The following TJP1 variants were observed in gnomAD, a reference collection of about 807,000 sequenced individuals.
The protein encoded by TJP1 is tight junction protein 1, also known as tight junction protein ZO-1.
In TJP1, 43 loss-of-function variants were observed where a neutral mutation model predicts 194.2. The ratio of observed to expected loss-of-function variants is 0.22; its 90% CI spans 0.17 to 0.29. TJP1 has a LOEUF of 0.29. Ranked by LOEUF, TJP1 falls within the 10% of genes least tolerant of loss-of-function variation. TJP1 has a pLI of 1.00. For synonymous variants in TJP1, 801 were observed against 779.0 expected (o/e 1.03, Z -0.47); for missense variants, 1,971 against 2,185.7 (o/e 0.90, Z 1.96).
At chr15:29,743,006 T>G in intron 8 of TJP1, 1 of 335,144 alleles carries the variant, frequency 3.0e-6, no homozygotes, top group Non-Finnish European at 5.3e-6. Context: ...ATATCTATAA[T>G]AGCAAAATTT....
chr15:29,926,121 A>G (rs1393192095), intron 2 of TJP1, among the ~76,000 whole-genome samples: 3 of 152,262 alleles, frequency 2.0e-5, no homozygotes, highest in African/African-American at 7.2e-5. Flanking sequence ...ATGAAAACCA[A>G]AGAAACAAGG....
intron 20 of TJP1, among the ~76,000 whole-genome samples, chr15:29,719,522 C>A (rs1025145829): frequency 6.6e-6 from 1 of 152,040 alleles, no homozygotes; most frequent in Non-Finnish European, 1.5e-5. Flanking sequence ...TTAAGGAATT[C>A]TGGAAGATAC....
intron 2 of TJP1, among the ~76,000 whole-genome samples, chr15:29,911,460 T>G (rs1522790): frequency 0.21 from 31,844 of 152,124 alleles, 3,626 homozygotes; most frequent in African/African-American, 0.3. Context: ...ACAGGTTTAA[T>G]TGGCTCATGG....
At chr15:29,783,664 C>T (rs543704757) in intron 2 of TJP1, among the ~76,000 whole-genome samples, 2 of 152,176 alleles carry the variant, frequency 1.3e-5, no homozygotes, top group Non-Finnish European at 2.9e-5. Flanking sequence ...TGCAAGAACA[C>T]GGGTGGAATG....
intron 2 of TJP1, among the ~76,000 whole-genome samples, chr15:29,930,824 C>G (rs2054683806): frequency 6.6e-6 from 1 of 152,152 alleles, no homozygotes; most frequent in Non-Finnish European, 1.5e-5. Flanking sequence ...CACAGAATAA[C>G]TAAGAAAATC....
chr15:29,915,525 T>C (rs1293834334), intron 2 of TJP1, among the ~76,000 whole-genome samples: 3 of 152,192 alleles, frequency 2.0e-5, no homozygotes, highest in Non-Finnish European at 4.4e-5. Context: ...AACCATACAA[T>C]CTCATTTACT....
intron 8 of TJP1, among the ~76,000 whole-genome samples, chr15:29,744,652 T>C (rs537694041): frequency 1.3e-5 from 2 of 152,316 alleles, no homozygotes; most frequent in Admixed American, 6.5e-5. Context: ...ATTTGTTTAA[T>C]TATCCTGGAC....
rs542388396 is a variant in TJP1, at chr15:29,706,202, A to C, written c.4851-457T>G. 1.5e-4 allele frequency among the ~76,000 whole-genome samples: 23 copies of C among 152,230 alleles called. No homozygotes were observed. In the East Asian group the frequency reaches 4.5e-3, roughly 29 times the overall value. On this transcript the variant is annotated intron_variant, in intron 25 of 27. Transcript: ENST00000614355. ...CCTGCCTTGGTCTCCCAAAGTGCTG[A>C]GGTTACAGGCGTGAGCCACCGCGCC...
chr15:29,889,024 C>T (rs573463593), intron 2 of TJP1, among the ~76,000 whole-genome samples: 69 of 152,294 alleles, frequency 4.5e-4, no homozygotes, highest in Middle Eastern at 3.4e-3. Flanking sequence ...AAGACAGAGA[C>T]GCAAATCTGC....
At chr15:29,857,533 G>A (rs569345915) in intron 2 of TJP1, among the ~76,000 whole-genome samples, 58 of 152,190 alleles carry the variant, frequency 3.8e-4, no homozygotes, top group African/African-American at 1.3e-3. Context: ...GACAAGAAGC[G>A]CAGGGAAGGC....
At chr15:29,712,496 A>ATT (rs1288281388) in intron 23 of TJP1, among the ~76,000 whole-genome samples, 1 of 152,184 alleles carries the variant, frequency 6.6e-6, no homozygotes, top group Non-Finnish European at 1.5e-5. Context: ...TGGAACTCAA[A>ATT]TGTCATTTAA....
chr15:29,908,892 C>G (rs1010462144), intron 2 of TJP1, among the ~76,000 whole-genome samples: 1 of 151,878 alleles, frequency 6.6e-6, no homozygotes, highest in Non-Finnish European at 1.5e-5. Flanking sequence ...CGGTGGCTCA[C>G]GCCTGTAGTC....
intron 1 of TJP1, among the ~76,000 whole-genome samples, chr15:29,812,143 A>G (rs2049565656): frequency 6.6e-6 from 1 of 152,200 alleles, no homozygotes; most frequent in Non-Finnish European, 1.5e-5. Flanking sequence ...TTCAGATTCC[A>G]GAGGCTAAAC....
chr15:29,811,072 G>A (rs1339199432), intron 1 of TJP1, among the ~76,000 whole-genome samples: 1 of 152,144 alleles, frequency 6.6e-6, no homozygotes, highest in Non-Finnish European at 1.5e-5. Flanking sequence ...CAAAGAGAAA[G>A]TTGACAGGAA....
chr15:29,814,388 C>T (rs1383033869), intron 1 of TJP1, among the ~76,000 whole-genome samples: 1 of 152,160 alleles, frequency 6.6e-6, no homozygotes, highest in Admixed American at 6.5e-5. Flanking sequence ...GGATCCCAAA[C>T]AAAATGTACT....
intron 1 of TJP1, among the ~76,000 whole-genome samples, chr15:29,815,171 C>T (rs2049826125): frequency 6.6e-6 from 1 of 152,174 alleles, no homozygotes; most frequent in Non-Finnish European, 1.5e-5. Context: ...AAAGGAGCAA[C>T]CTGAAGCCAC....
At chr15:29,803,373 T>C (rs1375527190) in intron 1 of TJP1, among the ~76,000 whole-genome samples, 2 of 152,170 alleles carry the variant, frequency 1.3e-5, no homozygotes, top group Non-Finnish European at 2.9e-5. Context: ...ATATGAGATA[T>C]TCAACACTTT....
Position 29,737,426 on chromosome 15 carries a change from G to A in TJP1, c.1257-12C>T, listed in dbSNP as rs2044107388. 1 of 1,613,976 alleles carries A rather than the reference G, an allele frequency of 6.2e-7. No individual in the cohort carries two copies. The highest frequency in any genetic ancestry group is 8.5e-7 in the Non-Finnish European group (1 of 1,179,952). Reference sequence around the variant, plus strand: ...ATTTCATGCTGGGCCTGTTAAAACAGATATTTCATTTGAAACAGTTAAGAA... The same window carrying A: ...ATTTCATGCTGGGCCTGTTAAAACAAATATTTCATTTGAAACAGTTAAGAA... On this transcript the variant is annotated splice_polypyrimidine_tract_variant and intron_variant, in intron 10 of 27. Transcript: ENST00000614355.
At chr15:29,742,392 A>G (rs1445550041) in intron 9 of TJP1, among the ~76,000 whole-genome samples, 1 of 152,234 alleles carries the variant, frequency 6.6e-6, no homozygotes, top group Admixed American at 6.5e-5. Context: ...GTGTTGGAAA[A>G]CAACTTTACT....
Sources: allele counts gnomAD v4.1 joint callset (sites outside exome capture counted in the v4.1 genomes callset), GRCh38; gene constraint gnomAD v4.1.1; transcripts MANE v1.5; gene names NCBI Gene and HGNC (gene_info 2026-07-23, HGNC 2026-07-21).